UBE3C: variants seen among roughly 807,000 people sequenced by gnomAD.
The protein encoded by UBE3C is ubiquitin-protein ligase E3C.
In UBE3C, 42 loss-of-function variants were observed where a neutral mutation model predicts 129.4. The ratio of observed to expected loss-of-function variants is 0.32; its 90% CI spans 0.25 to 0.42. UBE3C has a LOEUF of 0.42. UBE3C is among the 10% of genes least tolerant of loss of function. The pLI is 1.00. For synonymous variants in UBE3C, 510 were observed against 492.4 expected (o/e 1.04, Z -0.47); for missense variants, 1,049 against 1,319.1 (o/e 0.80, Z 3.17).
chr7:157,220,999 C>G (rs1040718331), intron 15 of UBE3C: 10 of 479,528 alleles, frequency 2.1e-5, no homozygotes, highest in Non-Finnish European at 3.8e-5. Context: ...GTCACTTTGC[C>G]TTTTGCAAAA....
At position 157,231,111 on chromosome 7, in the gene UBE3C, C is replaced by T. The variant is rs1463108717; in HGVS notation, c.2265C>T (p.His755=). 8 of 1,614,030 alleles carry T rather than the reference C, an allele frequency of 5.0e-6. No homozygotes were observed. The highest frequency in any genetic ancestry group is 2.2e-5 in the East Asian group (1 of 44,872). ...ATTTGAAAAAGCGGATCCGTGTGCA[C>T]TTGCTCAATGCCCATGGCCTGGATG... The part of the protein sequence containing the change: ...EPDLKKRIRV[H]LLNAHGLDEA... The change falls in exon 18 of 23, where the codon CAC becomes CAT. Residue 755 remains histidine (H), a synonymous_variant. Transcript: ENST00000348165.
chr7:157,218,062 C>T (rs1427955551), intron 14 of UBE3C, among the ~76,000 whole-genome samples: 1 of 151,834 alleles, frequency 6.6e-6, no homozygotes, highest in African/African-American at 2.4e-5. Flanking sequence ...AACAGAGGGA[C>T]ATAAGGTATT....
rs112334423 is a variant in UBE3C at position 157,269,200 on chromosome 7, CTTA to C, written c.*1449_*1451del. 78 of 152,488 alleles carry C rather than the reference CTTA, an allele frequency of 5.1e-4. No individual in the cohort carries two copies. The highest frequency in any genetic ancestry group is 1.7e-3 in the African/African-American group (71 of 41,502). The allele number at this position is 152,488 out of a possible 1,614,324, so 9.4% of individuals were successfully genotyped here. ...TTGTTTTATGTTGAATGTTCTATATCTTATTAGTTAATTTGTATATTTTATTAG... is the reference window on the plus strand; with the variant it reads ...TTGTTTTATGTTGAATGTTCTATATCTTAGTTAATTTGTATATTTTATTAG... On this transcript the variant is annotated 3_prime_UTR_variant, in exon 23 of 23. Coordinates refer to ENST00000348165, the MANE Select transcript of UBE3C (RefSeq NM_014671.3).
At chr7:157,207,627 T>G in intron 12 of UBE3C, 72 bp downstream of exon 12, 2 of 1,584,986 alleles carry the variant, frequency 1.3e-6, no homozygotes, top group African/African-American at 1.4e-5. Context: ...TAGAAAAGTT[T>G]TAAGCTTTTT....
At chr7:157,159,643 G>C (rs763853954) in intron 1 of UBE3C, among the ~76,000 whole-genome samples, 1 of 152,196 alleles carries the variant, frequency 6.6e-6, no homozygotes, top group Non-Finnish European at 1.5e-5. Context: ...TGAGACGGGT[G>C]GATCACTTGA....
chr7:157,163,618 A>G (rs1808134869), intron 1 of UBE3C, among the ~76,000 whole-genome samples, 192 bp from the exon 2 acceptor site: 1 of 152,206 alleles, frequency 6.6e-6, no homozygotes, highest in Non-Finnish European at 1.5e-5. Flanking sequence ...ACTAACTTGT[A>G]TTATATCTAG....
At chr7:157,228,051 G>A (rs1002422798) in intron 17 of UBE3C, among the ~76,000 whole-genome samples, 3 of 152,190 alleles carry the variant, frequency 2.0e-5, no homozygotes, top group African/African-American at 7.2e-5. Context: ...GGTTTGAGGT[G>A]CATTTTTGAC....
At chr7:157,219,100 G>A (rs530083443) in intron 14 of UBE3C, among the ~76,000 whole-genome samples, 6 of 152,184 alleles carry the variant, frequency 3.9e-5, no homozygotes, top group Non-Finnish European at 7.3e-5. Flanking sequence ...AGGCTCTGGT[G>A]AAGGAGATGA....
intron 11 of UBE3C, among the ~76,000 whole-genome samples, chr7:157,204,127 A>C (rs59802408): frequency 2.0e-5 from 3 of 152,188 alleles, no homozygotes; most frequent in Non-Finnish European, 1.5e-5. Flanking sequence ...TGAAGTTGCA[A>C]AATCCTAAAC....
At chr7:157,145,839 G>A (rs1426116125) in intron 1 of UBE3C, among the ~76,000 whole-genome samples, 3 of 152,042 alleles carry the variant, frequency 2.0e-5, no homozygotes, top group South Asian at 2.1e-4. Context: ...CCTCCTCTCC[G>A]CTGCACGCTG....
At chr7:157,259,500 G>T (rs1054395079) in intron 22 of UBE3C, among the ~76,000 whole-genome samples, 1 of 152,162 alleles carries the variant, frequency 6.6e-6, no homozygotes, top group Non-Finnish European at 1.5e-5. Flanking sequence ...ATAATTCACA[G>T]TACATGAACT....
At chr7:157,172,217 G>GT (rs1808398166) in intron 4 of UBE3C, among the ~76,000 whole-genome samples, 1 of 150,842 alleles carries the variant, frequency 6.6e-6, no homozygotes. Flanking sequence ...TGTATTTTTA[G>GT]TAGAGTCAGG....
At chr7:157,249,167 C>T (rs1796557058) in intron 19 of UBE3C, among the ~76,000 whole-genome samples, 1 of 152,112 alleles carries the variant, frequency 6.6e-6, no homozygotes, top group South Asian at 2.1e-4. Flanking sequence ...TAGAGGTGTG[C>T]AGCCATCATC....
chr7:157,254,775 T>G (rs1156779958), intron 21 of UBE3C, among the ~76,000 whole-genome samples: 1 of 151,908 alleles, frequency 6.6e-6, no homozygotes, highest in Non-Finnish European at 1.5e-5. Flanking sequence ...GTGCAGTGGC[T>G]CACGCCTGTA....
In UBE3C at chr7:157,178,765, G is replaced by T; in HGVS notation, c.534G>T (p.Glu178Asp). The T allele has an allele frequency of 6.2e-7, 1 of 1,614,160 alleles. No homozygotes were observed. The highest frequency in any genetic ancestry group is 8.5e-7 in the Non-Finnish European group (1 of 1,179,998). Residue 178 changes from glutamate (E) to aspartate (D), a missense_variant, in exon 6 of 23, where the codon GAG (glutamate) becomes GAT (aspartate). Transcript: ENST00000348165. ...PMRMLEVFSS[E>D]NTYLPVLQDA... The stretch of plus-strand genomic sequence containing the variant: ...GAATGCTTGAAGTATTTTCGTCTGA[G>T]AATACTTACTTGCCTGTTTTACAAG...
At chr7:157,232,398 G>T (rs973153541) in intron 18 of UBE3C, among the ~76,000 whole-genome samples, 2 of 152,148 alleles carry the variant, frequency 1.3e-5, no homozygotes, top group African/African-American at 2.4e-5. Context: ...TTGCTCTGTT[G>T]CCCAGGCTGG....
intron 22 of UBE3C, among the ~76,000 whole-genome samples, chr7:157,259,594 A>G (rs776322102): frequency 3.3e-5 from 5 of 152,206 alleles, no homozygotes; most frequent in Non-Finnish European, 7.3e-5. Context: ...AACATTGAAA[A>G]CACTGTGCTA....
intron 18 of UBE3C, among the ~76,000 whole-genome samples, chr7:157,247,523 C>G (rs571672423): frequency 6.6e-6 from 1 of 152,296 alleles, no homozygotes; most frequent in Non-Finnish European, 1.5e-5. Context: ...AAAACCCCGT[C>G]TCTACTAAAT....
At chr7:157,211,238 T>C (rs540084946) in intron 13 of UBE3C, among the ~76,000 whole-genome samples, 1 of 151,794 alleles carries the variant, frequency 6.6e-6, no homozygotes, top group African/African-American at 2.4e-5. Context: ...GGTTAAGTTG[T>C]ATTTTTTCAG....
Sources: gnomAD v4.1 joint callset for allele counts (sites outside exome capture counted in the v4.1 genomes callset) on GRCh38, gnomAD v4.1.1 for gene constraint, MANE v1.5 for transcripts, NCBI Gene and HGNC (gene_info 2026-07-23, HGNC 2026-07-21) for gene names.